The following CACNA2D2 variants were observed in gnomAD, a reference collection of about 807,000 sequenced individuals.
CACNA2D2 encodes the protein voltage-dependent calcium channel subunit alpha-2/delta-2.
Under a neutral mutation model 166.4 loss-of-function variants are expected in CACNA2D2, and 48 were observed. The observed-to-expected ratio is 0.29, with a 90% confidence interval of 0.23 to 0.37. The LOEUF (loss-of-function observed/expected upper bound fraction) is 0.37, where lower values mean the gene tolerates loss of function less well. CACNA2D2 is among the 10% of genes least tolerant of loss of function. CACNA2D2 has a pLI of 1.00. For missense variants in CACNA2D2, 1,122 were observed against 1,433.0 expected, an observed-to-expected ratio of 0.78 and a Z score of 3.50; for synonymous variants, 561 against 573.7, an observed-to-expected ratio of 0.98 and a Z score of 0.32.
At chr3:50,497,657 T>G (rs1395931027) in intron 1 of CACNA2D2, among the ~76,000 whole-genome samples, 1 of 152,116 alleles carries the variant, frequency 6.6e-6, no homozygotes, top group Admixed American at 6.5e-5. Flanking sequence ...TTATGTAGAT[T>G]TGAATGACAG....
At chr3:50,483,959 A>C (rs1698168054) in intron 1 of CACNA2D2, among the ~76,000 whole-genome samples, 1 of 152,140 alleles carries the variant, frequency 6.6e-6, no homozygotes, top group Non-Finnish European at 1.5e-5. Context: ...AGAGGTCACA[A>C]ACACCCGTCA....
chr3:50,390,747 C>T (rs1705847585), intron 4 of CACNA2D2, among the ~76,000 whole-genome samples: 1 of 152,178 alleles, frequency 6.6e-6, no homozygotes, highest in Non-Finnish European at 1.5e-5. Flanking sequence ...ATACATTCTC[C>T]TTAGCAGGAG....
At chr3:50,479,013 A>G (rs1239416922) in intron 1 of CACNA2D2, among the ~76,000 whole-genome samples, 1 of 152,210 alleles carries the variant, frequency 6.6e-6, no homozygotes, top group African/African-American at 2.4e-5. Context: ...GAGAAGAGAC[A>G]TGGATGCCAA....
intron 1 of CACNA2D2, among the ~76,000 whole-genome samples, chr3:50,502,269 C>A (rs559206036): frequency 1.3e-5 from 2 of 152,324 alleles, no homozygotes; most frequent in South Asian, 4.2e-4. Flanking sequence ...GCTCCTCAGA[C>A]CCGGAGACAG....
At chr3:50,477,678 T>C (rs1208758711) in intron 1 of CACNA2D2, among the ~76,000 whole-genome samples, 1 of 152,164 alleles carries the variant, frequency 6.6e-6, no homozygotes, top group Non-Finnish European at 1.5e-5. Context: ...ACAAAAAAGT[T>C]ACCATGAAGA....
intron 2 of CACNA2D2, among the ~76,000 whole-genome samples, chr3:50,464,274 G>A (rs1423658505): frequency 6.6e-6 from 1 of 152,242 alleles, no homozygotes; most frequent in African/African-American, 2.4e-5. Flanking sequence ...GGAGGAGGCA[G>A]GTCAACTAGC....
chr3:50,417,522 T>C (rs1707321611), intron 3 of CACNA2D2, among the ~76,000 whole-genome samples: 1 of 152,146 alleles, frequency 6.6e-6, no homozygotes, highest in South Asian at 2.1e-4. Context: ...ACTGCACCTT[T>C]CCCCACCTGC....
intron 2 of CACNA2D2, among the ~76,000 whole-genome samples, chr3:50,462,011 G>A (rs1183860161): frequency 6.6e-6 from 1 of 152,190 alleles, no homozygotes; most frequent in African/African-American, 2.4e-5. Context: ...CAGAAGCCCA[G>A]GTGTATGAGA....
intron 1 of CACNA2D2, among the ~76,000 whole-genome samples, chr3:50,495,437 G>A (rs1286965585): frequency 6.6e-6 from 1 of 152,192 alleles, no homozygotes; most frequent in Non-Finnish European, 1.5e-5. Context: ...GAACCCACGA[G>A]AACTGGGTCC....
In CACNA2D2 at chr3:50,375,830, C is replaced by A. The variant is rs774217388; in HGVS notation, c.1824G>T (p.Thr608=). 1.2e-6 allele frequency: 2 copies of A among 1,613,066 alleles called. No individual in the cohort carries two copies. Among genetic ancestry groups the A allele is most frequent in the Non-Finnish European group, 1.7e-6 (2 of 1,179,996 alleles). The change falls in exon 20 of 38, where the codon ACG becomes ACT. Residue 608 remains threonine (T), a synonymous_variant. Transcript: ENST00000424201. The surrounding 1 kb of genome is among the most constrained non-coding windows in gnomAD (Gnocchi z 4.0). ...DGNKGHKQIR[T]LVKSLDERYI... ...TTACCTCATCCAGGGACTTGACCAA[C>A]GTTCTGATCTGCTTGTGGCCCTTGT...
At chr3:50,503,910 C>G (rs977247277), upstream of CACNA2D2, among the ~76,000 whole-genome samples, 2 of 152,188 alleles carry the variant, frequency 1.3e-5, no homozygotes, top group African/African-American at 4.8e-5. Flanking sequence ...CTCCCCACCC[C>G]ACCCGCGGGA....
intron 2 of CACNA2D2, among the ~76,000 whole-genome samples, chr3:50,470,978 T>C (rs1269488479): frequency 6.6e-6 from 1 of 152,018 alleles, no homozygotes; most frequent in Admixed American, 6.6e-5. Context: ...CAATTAACTT[T>C]CCATTAAAGA....
intron 2 of CACNA2D2, among the ~76,000 whole-genome samples, chr3:50,468,440 T>TGTGTGTGG (rs1427320069): frequency 1.4e-5 from 2 of 143,968 alleles, no homozygotes; most frequent in South Asian, 2.2e-4. Flanking sequence ...TGTGTGTGTG[T>TGTGTGTGG]GGCTTTAGGA....
Position 50,373,148 on chromosome 3 carries a change from C to G in CACNA2D2, c.1984+1589G>C. Reference sequence around the variant, plus strand: ...AAAACAACACAAACACAAAAACAAACGAAAAGGGGGAGGGAAAGGGGAGGG... The same window carrying G: ...AAAACAACACAAACACAAAAACAAAGGAAAAGGGGGAGGGAAAGGGGAGGG... On this transcript the variant is annotated intron_variant, in intron 22 of 37. Transcript: ENST00000424201. 3 of 1,430,878 alleles carry G rather than the reference C, an allele frequency of 2.1e-6. No homozygotes were observed. In the South Asian group the frequency reaches 3.7e-5, roughly 18 times the overall value. The allele number at this position is 1,430,878 out of a possible 1,614,324, so 88.6% of individuals were successfully genotyped here.
chr3:50,464,377 G>A (rs1240915189), intron 2 of CACNA2D2, among the ~76,000 whole-genome samples: 3 of 152,208 alleles, frequency 2.0e-5, no homozygotes, highest in Admixed American at 1.3e-4. Context: ...GTGCCCAGCT[G>A]CTGCTGAAAA....
chr3:50,434,146 T>G (rs1012579797), intron 3 of CACNA2D2, among the ~76,000 whole-genome samples, 167 bp downstream of exon 3: 1 of 152,218 alleles, frequency 6.6e-6, no homozygotes, highest in African/African-American at 2.4e-5. Context: ...ATCCTGTTCC[T>G]GCCGCAGCTG....
intron 3 of CACNA2D2, among the ~76,000 whole-genome samples, chr3:50,395,797 G>C (rs1163378016): frequency 1.3e-5 from 2 of 152,190 alleles, no homozygotes; most frequent in Non-Finnish European, 2.9e-5. Context: ...GGGCTGTCCA[G>C]GGCCATCTCC....
chr3:50,398,860 T>C (rs920014909), intron 3 of CACNA2D2, among the ~76,000 whole-genome samples: 2 of 152,196 alleles, frequency 1.3e-5, no homozygotes, highest in Admixed American at 1.3e-4. Flanking sequence ...TGGGAACCAT[T>C]CTTACAGGAA....
chr3:50,503,159 G>T, intron 1 of CACNA2D2, 59 bp downstream of exon 1: 3 of 1,027,282 alleles, frequency 2.9e-6, no homozygotes, highest in South Asian at 4.8e-5. Context: ...AGCGCGGACC[G>T]GGGGCAGAGC....
Sources: allele counts gnomAD v4.1 joint callset (sites outside exome capture counted in the v4.1 genomes callset), GRCh38; gene constraint gnomAD v4.1.1; non-coding constraint Gnocchi (gnomAD v3.1); transcripts MANE v1.5; gene names NCBI Gene and HGNC (gene_info 2026-07-23, HGNC 2026-07-21).